WIPF1: variants seen among roughly 807,000 people sequenced by gnomAD.
WIPF1 encodes WAS/WASL-interacting protein family member 1.
Under a neutral mutation model 35.4 loss-of-function variants are expected in WIPF1, and 13 were observed. The ratio of observed to expected loss-of-function variants is 0.37; its 90% CI spans 0.24 to 0.58. The LOEUF is 0.58. Among genes scored for constraint, WIPF1 ranks in the 20% least tolerant of loss-of-function variants. The pLI is 0.74. For synonymous variants in WIPF1, 267 were observed against 266.3 expected (o/e 1.00, Z -0.02); for missense variants, 591 against 667.0 (o/e 0.89, Z 1.25).
chr2:174,681,832 G>T (rs937154543), intron 1 of WIPF1, among the ~76,000 whole-genome samples: 5 of 152,156 alleles, frequency 3.3e-5, no homozygotes, highest in Non-Finnish European at 5.9e-5. Context: ...GGCTGAAGAA[G>T]GAATACTCCA....
chr2:174,564,838 C>T (rs1684601117), intron 7 of WIPF1, among the ~76,000 whole-genome samples: 1 of 151,496 alleles, frequency 6.6e-6, no homozygotes, highest in Non-Finnish European at 1.5e-5. Flanking sequence ...CACACACACA[C>T]ACACACACAC....
Position 174,581,416 on chromosome 2 carries a change from C to G in WIPF1, c.75G>C (p.Leu25Phe). The G allele has an allele frequency of 5.0e-6, 8 of 1,613,910 alleles. No homozygotes were observed. The highest frequency in any genetic ancestry group is 5.9e-6 in the Non-Finnish European group (7 of 1,179,928). The change falls in exon 3 of 8, where the codon TTG (leucine) becomes TTC (phenylalanine). Residue 25 changes from leucine (L) to phenylalanine (F), a missense_variant. Leu to Phe is a conservative substitution (Grantham distance 22, BLOSUM62 0). Transcript: ENST00000679041. ...FALANTEKPT[L>F]NKTEQAGRNA... Reference sequence around the variant, plus strand: ...TTCTCCCAGCCTGCTCTGTCTTATTCAAGGTAGGCTTCTCTGTATTGGCCT... The same window carrying G: ...TTCTCCCAGCCTGCTCTGTCTTATTGAAGGTAGGCTTCTCTGTATTGGCCT...
At chr2:174,625,791 C>T (rs1169350189) in intron 1 of WIPF1, 1 of 152,104 alleles carries the variant, frequency 6.6e-6, no homozygotes, top group African/African-American at 2.4e-5. Context: ...AAAGTGACTT[C>T]AGAAGTCAAA....
intron 1 of WIPF1, among the ~76,000 whole-genome samples, chr2:174,673,096 G>C (rs1057336884): frequency 2.0e-5 from 3 of 152,158 alleles, no homozygotes; most frequent in Non-Finnish European, 4.4e-5. Flanking sequence ...AAATTCCAGT[G>C]CCAAAACCAC....
intron 1 of WIPF1, among the ~76,000 whole-genome samples, chr2:174,608,191 G>A (rs1307011554): frequency 6.6e-6 from 1 of 152,136 alleles, no homozygotes; most frequent in Non-Finnish European, 1.5e-5. Flanking sequence ...TTGGAAAAGA[G>A]GCAGGGGAAC....
At chr2:174,667,795 GA>G (rs1282619508) in intron 1 of WIPF1, among the ~76,000 whole-genome samples, 1 of 152,182 alleles carries the variant, frequency 6.6e-6, no homozygotes, top group Non-Finnish European at 1.5e-5. Flanking sequence ...AGCAGGTTTT[GA>G]GATACATTTT....
At position 174,560,962 on chromosome 2, in the gene WIPF1, CAT is replaced by C. The variant is rs1013770554; in HGVS notation, c.*1583_*1584del. 4 of 152,516 alleles carry C rather than the reference CAT, an allele frequency of 2.6e-5. No individual in the cohort carries two copies. Among genetic ancestry groups the C allele is most frequent in the Non-Finnish European group, 5.9e-5 (4 of 68,010 alleles). 9.4% of individuals were successfully genotyped at this position (152,516 alleles called of 1,614,324 possible). ...ATGATACAATGTTTAGGTAGATATACATATACATATGTGGTCATGTGTTTTTA... is the reference window on the plus strand; with the variant it reads ...ATGATACAATGTTTAGGTAGATATACATACATATGTGGTCATGTGTTTTTA... On this transcript the variant is annotated 3_prime_UTR_variant, in exon 8 of 8. Transcript: ENST00000679041.
At chr2:174,594,518 G>C (rs984045143) in intron 1 of WIPF1, among the ~76,000 whole-genome samples, 1 of 152,036 alleles carries the variant, frequency 6.6e-6, no homozygotes, top group African/African-American at 2.4e-5. Flanking sequence ...TGAAGGAAAG[G>C]GAAAGGAAAC....
At chr2:174,645,317 C>A (rs183253763) in intron 1 of WIPF1, among the ~76,000 whole-genome samples, 1 of 152,050 alleles carries the variant, frequency 6.6e-6, no homozygotes, top group Non-Finnish European at 1.5e-5. Flanking sequence ...GAATTTGAAC[C>A]CGTTTCTGAC....
chr2:174,642,508 G>A (rs927393879), intron 1 of WIPF1, among the ~76,000 whole-genome samples: 8 of 151,614 alleles, frequency 5.3e-5, no homozygotes, highest in Non-Finnish European at 7.4e-5. Context: ...CACCACGCCC[G>A]GCTAATTTTT....
intron 1 of WIPF1, among the ~76,000 whole-genome samples, 198 bp downstream of exon 1, chr2:174,597,403 C>G (rs1397610030): frequency 6.6e-6 from 1 of 152,156 alleles, no homozygotes; most frequent in Non-Finnish European, 1.5e-5. Flanking sequence ...CATTTTGGCT[C>G]AAAGCATAAG....
At chr2:174,674,966 G>A (rs1574873562) in intron 1 of WIPF1, among the ~76,000 whole-genome samples, 1 of 150,860 alleles carries the variant, frequency 6.6e-6, no homozygotes, top group East Asian at 1.9e-4. Flanking sequence ...CAGGAAGAAT[G>A]GTTGTAGTAG....
At chr2:174,608,342 C>A (rs769393592) in intron 1 of WIPF1, among the ~76,000 whole-genome samples, 1 of 152,150 alleles carries the variant, frequency 6.6e-6, no homozygotes, top group African/African-American at 2.4e-5. Flanking sequence ...GAGGACACAG[C>A]GTGGAAGTTC....
chr2:174,610,950 G>GT (rs1407702622), intron 1 of WIPF1, among the ~76,000 whole-genome samples: 1 of 152,160 alleles, frequency 6.6e-6, no homozygotes, highest in Non-Finnish European at 1.5e-5. Flanking sequence ...GCACAAAACT[G>GT]TAGATGACTT....
chr2:174,588,852 A>G (rs1400490641), intron 1 of WIPF1, among the ~76,000 whole-genome samples: 1 of 152,168 alleles, frequency 6.6e-6, no homozygotes, highest in African/African-American at 2.4e-5. Flanking sequence ...TTAGAGGGTG[A>G]TGCAGAACTA....
intron 5 of WIPF1, among the ~76,000 whole-genome samples, chr2:174,568,443 T>G (rs1469312073): frequency 6.6e-6 from 1 of 152,228 alleles, no homozygotes; most frequent in East Asian, 1.9e-4. Context: ...TGTGACATGA[T>G]GAAAGAATTT....
chr2:174,561,828 T>C lies in WIPF1; in HGVS notation c.*719A>G, dbSNP rs1276748124. 7.1e-6 allele frequency: 3 copies of C among 420,116 alleles called. No individual in the cohort carries two copies. The allele number at this position is 420,116 out of a possible 1,614,324, so 26.0% of individuals were successfully genotyped here. On this transcript the variant is annotated 3_prime_UTR_variant, in exon 8 of 8. Coordinates refer to ENST00000679041, the MANE Select transcript of WIPF1 (RefSeq NM_001375834.1). ...ACTGAGCACTTAAAAATGTGACTAG[T>C]CTGAATGGAGATGTGCGGTAAGTGT...
At chr2:174,641,943 A>G (rs987068625) in intron 1 of WIPF1, among the ~76,000 whole-genome samples, 5 of 152,220 alleles carry the variant, frequency 3.3e-5, no homozygotes, top group Admixed American at 2.6e-4. Flanking sequence ...GAGTCTCTTG[A>G]TAAGTCTGAA....
intron 1 of WIPF1, among the ~76,000 whole-genome samples, chr2:174,605,294 G>A (rs1036086367): frequency 1.3e-5 from 2 of 152,078 alleles, no homozygotes; most frequent in African/African-American, 2.4e-5. Flanking sequence ...TTAGCTGGGC[G>A]TGGTGGGGTG....
Sources: gnomAD v4.1 joint callset for allele counts (sites outside exome capture counted in the v4.1 genomes callset) on GRCh38, gnomAD v4.1.1 for gene constraint, MANE v1.5 for transcripts, NCBI Gene and HGNC (gene_info 2026-07-23, HGNC 2026-07-21) for gene names.